The following KLHDC3 variants were observed in gnomAD, a reference collection of about 807,000 sequenced individuals.
The protein encoded by KLHDC3 is kelch domain-containing protein 3.
A neutral mutation model predicts 44.1 loss-of-function variants in KLHDC3; 5 were observed. That is an observed-to-expected ratio of 0.11 (90% CI 0.06 to 0.24). The LOEUF is 0.24. KLHDC3 is among the 10% of genes least tolerant of loss of function. KLHDC3 has a pLI of 1.00. For synonymous variants in KLHDC3, 170 were observed against 189.0 expected (o/e 0.90, Z 0.82); for missense variants, 247 against 514.3 (o/e 0.48, Z 5.03).
rs751640219 is a variant in KLHDC3 at position 43,017,823 on chromosome 6, T to G, written c.332-30T>G. The stretch of plus-strand genomic sequence containing the variant: ...GAGGAGGGACTGTCATAGAGGGTGC[T>G]TAGTTGAGCCATTTTCTCATCTCCT... On this transcript the variant is annotated intron_variant, in intron 3 of 10. Transcript: ENST00000326974. The surrounding 1 kb of genome is among the most constrained non-coding windows in gnomAD (Gnocchi z 6.0). 1 of 1,597,372 alleles carries G rather than the reference T, an allele frequency of 6.3e-7. No individual in the cohort carries two copies. The highest frequency in any genetic ancestry group is 8.6e-7 in the Non-Finnish European group (1 of 1,165,998).
chr6:43,020,757 T>C lies in KLHDC3; in HGVS notation c.*24T>C, dbSNP rs754573243. 1.3e-6 allele frequency: 2 copies of C among 1,586,336 alleles called. No homozygotes were observed. The highest frequency in any genetic ancestry group is 2.2e-5 in the South Asian group (2 of 90,530). ...AGGAGGAAGTTTCTGCCACCTCCCCTCCTGAGCCTGCTGTCATCTTCACTG... is the reference window on the plus strand; with the variant it reads ...AGGAGGAAGTTTCTGCCACCTCCCCCCCTGAGCCTGCTGTCATCTTCACTG... On this transcript the variant is annotated 3_prime_UTR_variant, in exon 11 of 11. Transcript: ENST00000326974.
At position 43,018,177 on chromosome 6, in the gene KLHDC3, A is replaced by G; in HGVS notation, c.480A>G (p.Leu160=). The change falls in exon 5 of 11, where the codon CTA becomes CTG. Residue 160 remains leucine (L), a synonymous_variant. Transcript: ENST00000326974. The surrounding 1 kb of genome is among the most constrained non-coding windows in gnomAD (Gnocchi z 6.0). ...GTTTTTCCAATGACATTCACAAGCT[A>G]GATACCAGCACCATGACATGGACTC... ...ADCFSNDIHK[L]DTSTMTWTLI... is the part of the protein sequence containing the mutation. 1 of 1,611,904 alleles carries G rather than the reference A, an allele frequency of 6.2e-7. No individual in the cohort carries two copies. Among genetic ancestry groups the G allele is most frequent in the African/African-American group, 1.3e-5 (1 of 74,938 alleles).
Position 43,018,914 on chromosome 6 carries a change from G to A in KLHDC3, c.872G>A (p.Arg291His). ...IEPKGKGPCP[R>H]RRQCCCIVGD... The stretch of plus-strand genomic sequence containing the variant: ...CCGAAGGGGAAGGGGCCATGTCCCC[G>A]CCGGCGCCAGTGCTGCTGTATTGTT... The change falls in exon 8 of 11, where the codon CGC becomes CAC. Residue 291 changes from arginine to histidine, a missense_variant. Physicochemically the swap from Arg to His is conservative, Grantham distance 29. This residue lies in a region of KLHDC3 where 176 missense variants were observed against 413.5 expected (regional missense o/e 0.43). Coordinates refer to ENST00000326974, the MANE Select transcript of KLHDC3 (RefSeq NM_057161.4). The surrounding 1 kb of genome is among the most constrained non-coding windows in gnomAD (Gnocchi z 6.0). 1 of 1,612,692 alleles carries A rather than the reference G, an allele frequency of 6.2e-7. No individual in the cohort carries two copies. The highest frequency in any genetic ancestry group is 8.5e-7 in the Non-Finnish European group (1 of 1,179,262).
rs1169612992 is a variant in KLHDC3 at position 43,020,875 on chromosome 6, G to C, written c.*142G>C. 6 of 718,566 alleles carry C rather than the reference G, an allele frequency of 8.3e-6. No homozygotes were observed. Among genetic ancestry groups the C allele is most frequent in the Admixed American group, 6.3e-5 (3 of 47,692 alleles). The allele number at this position is 718,566 out of a possible 1,614,324, so 44.5% of individuals were successfully genotyped here. A position where few individuals can be genotyped will look rare whatever the true frequency, so the allele number is the denominator to read the frequency against. ...TTGGGCGAGAGGTGTTCTCTGTGCT[G>C]TGAATTCAGTGGGGAGCTGTAGCGG... On this transcript the variant is annotated 3_prime_UTR_variant, in exon 11 of 11. Transcript: ENST00000326974.
Position 43,020,951 on chromosome 6 carries a change from T to G in KLHDC3, c.*218T>G. 1 of 659,596 alleles carries G rather than the reference T, an allele frequency of 1.5e-6. No homozygotes were observed. Among genetic ancestry groups the G allele is most frequent in the Non-Finnish European group, 2.8e-6 (1 of 359,356 alleles). The allele number at this position is 659,596 out of a possible 1,614,324, so 40.9% of individuals were successfully genotyped here. On this transcript the variant is annotated 3_prime_UTR_variant, in exon 11 of 11. Coordinates refer to ENST00000326974, the MANE Select transcript of KLHDC3 (RefSeq NM_057161.4). ...TGGGCCGAGGGCCCCTTCCCCTTGG[T>G]GCTCTGTCCCCATCCACCTCCTTTC...
rs190845103 is a variant in KLHDC3, at chr6:43,020,604, A to T, written c.1083-63A>T. 2.0e-5 allele frequency: 27 copies of T among 1,363,068 alleles called. No individual in the cohort carries two copies. The African/African-American group carries it at 3.7e-4, about 19-fold the overall frequency. 84.4% of individuals were successfully genotyped at this position (1,363,068 alleles called of 1,614,324 possible). ...ACTGGTGTGTTTTTAGCTTGGTTCAAACATCCCTTAGCTTGGGCTGAGGGC... is the reference window on the plus strand; with the variant it reads ...ACTGGTGTGTTTTTAGCTTGGTTCATACATCCCTTAGCTTGGGCTGAGGGC... On this transcript the variant is annotated intron_variant, in intron 10 of 10. Transcript: ENST00000326974.
chr6:43,015,321 C>A (rs767462551), intron 1 of KLHDC3, among the ~76,000 whole-genome samples: 1 of 152,148 alleles, frequency 6.6e-6, no homozygotes. Context: ...AGCAAGCCAG[C>A]TGAAAGCCAT....
chr6:43,021,066 C>A lies in KLHDC3; in HGVS notation c.*333C>A, dbSNP rs770368966. 3.9e-6 allele frequency: 2 copies of A among 508,644 alleles called. No individual in the cohort carries two copies. The highest frequency in any genetic ancestry group is 3.1e-5 in the South Asian group (2 of 65,046). 31.5% of individuals were successfully genotyped at this position (508,644 alleles called of 1,614,324 possible). On this transcript the variant is annotated 3_prime_UTR_variant, in exon 11 of 11. Coordinates refer to ENST00000326974, the MANE Select transcript of KLHDC3 (RefSeq NM_057161.4). Reference sequence around the variant, plus strand: ...GGGAGAAGGGAGAAGCAAGCAGTGTCTGAGCCTCAGGAGCTTCCCCCTCCC... The same window carrying A: ...GGGAGAAGGGAGAAGCAAGCAGTGTATGAGCCTCAGGAGCTTCCCCCTCCC...
rs1483157154 is a variant in KLHDC3 at position 43,018,456 on chromosome 6, T to A, written c.633T>A (p.Ile211=). Reference sequence around the variant, plus strand: ...GGCCATTCCATTCCAACAATGAGATTTACTGCAACCGCATTCGAGTCTTTG... The same window carrying A: ...GGCCATTCCATTCCAACAATGAGATATACTGCAACCGCATTCGAGTCTTTG... The part of the protein sequence containing the change: ...RFGPFHSNNE[I]YCNRIRVFDT... The change falls in exon 6 of 11, where the codon ATT becomes ATA. Residue 211 remains isoleucine, a synonymous_variant. Coordinates refer to ENST00000326974, the MANE Select transcript of KLHDC3 (RefSeq NM_057161.4). This position sits in a 1 kb window ranked among gnomAD's most constrained non-coding sequence, Gnocchi z 6.0. 6.2e-7 allele frequency: 1 copy of A among 1,614,200 alleles called. No homozygotes were observed. Among genetic ancestry groups the A allele is most frequent in the South Asian group, 1.1e-5 (1 of 91,084 alleles).
Position 43,015,125 on chromosome 6 carries a change from G to A in KLHDC3, c.-60+777G>A, listed in dbSNP as rs527949423. 1.5e-4 allele frequency among the ~76,000 whole-genome samples: 23 copies of A among 152,260 alleles called. No individual in the cohort carries two copies. In the Middle Eastern group the frequency reaches 0.014, roughly 90 times the overall value. On this transcript the variant is annotated intron_variant, in intron 1 of 10. Transcript: ENST00000326974. ...GGGAAGAATAGAGAATATAAGGGAG[G>A]ATGGAAGACTTCCATTCTTAAGCCC...
chr6:43,019,042 T>C, intron 8 of KLHDC3, 50 bp from the exon 9 acceptor site: 1 of 1,573,018 alleles, frequency 6.4e-7, no homozygotes, highest in Non-Finnish European at 8.7e-7. Context: ...GAAAAGGGGG[T>C]TTCGTGGGTA....
Position 43,017,022 on chromosome 6 carries a change from G to A in KLHDC3, c.-59-112G>A. On this transcript the variant is annotated intron_variant, in intron 1 of 10. Transcript: ENST00000326974. This position sits in a 1 kb window ranked among gnomAD's most constrained non-coding sequence, Gnocchi z 6.0. ...ACTAGTGCCCCTGTGGAGGGGTAGTGTGGGAGGGCCCCCAGGGTGACACTT... is the reference window on the plus strand; with the variant it reads ...ACTAGTGCCCCTGTGGAGGGGTAGTATGGGAGGGCCCCCAGGGTGACACTT... The A allele has an allele frequency of 1.3e-6, 1 of 742,922 alleles. No homozygotes were observed. Among genetic ancestry groups the A allele is most frequent in the Non-Finnish European group, 2.2e-6 (1 of 446,694 alleles). 46.0% of individuals were successfully genotyped at this position (742,922 alleles called of 1,614,324 possible).
chr6:43,019,204 G>T lies in KLHDC3; in HGVS notation c.1003+39G>T, dbSNP rs150162544. 7.1e-6 allele frequency: 11 copies of T among 1,560,018 alleles called. No homozygotes were observed. In the African/African-American group the frequency reaches 1.2e-4, roughly 17 times the overall value. ...TTCCTGAATTGCTCCTGCCATCAAG[G>T]TCCCTGTCTTTGGGTGGTGATATCC... On this transcript the variant is annotated intron_variant, in intron 9 of 10. Transcript: ENST00000326974.
intron 10 of KLHDC3, 107 bp downstream of exon 10, chr6:43,019,473 T>C: frequency 1.3e-6 from 1 of 751,956 alleles, no homozygotes; most frequent in Middle Eastern, 3.6e-4. Context: ...ATTTTTGTTC[T>C]GCTGGAGATG....
In KLHDC3 at chr6:43,017,230, G is replaced by A. The variant is rs1762600051; in HGVS notation, c.38G>A (p.Arg13His). Residue 13 changes from arginine (R) to histidine (H), a missense_variant, in exon 2 of 11, where the codon CGC (arginine) becomes CAC (histidine). By Grantham distance (29) the Arg-to-His change is conservative. Coordinates refer to ENST00000326974, the MANE Select transcript of KLHDC3 (RefSeq NM_057161.4). The surrounding 1 kb of genome is among the most constrained non-coding windows in gnomAD (Gnocchi z 6.0). ...ACAGTGCACCTGGAGGGCGGGCCCC[G>A]CAGGGTGAACCATGCTGCAGTGGCT... ...RWTVHLEGGPRRVNHAAVAVG... is the reference protein window; with the variant it reads ...RWTVHLEGGPHRVNHAAVAVG... The A allele has an allele frequency of 6.2e-7, 1 of 1,613,990 alleles. No homozygotes were observed. The highest frequency in any genetic ancestry group is 8.5e-7 in the Non-Finnish European group (1 of 1,179,982).
chr6:43,018,775 G>C lies in KLHDC3; in HGVS notation c.820+56G>C. The C allele has an allele frequency of 6.4e-7, 1 of 1,574,150 alleles. No homozygotes were observed. Among genetic ancestry groups the C allele is most frequent in the Non-Finnish European group, 8.7e-7 (1 of 1,143,616 alleles). On this transcript the variant is annotated intron_variant, in intron 7 of 10. Transcript: ENST00000326974. The surrounding 1 kb of genome is among the most constrained non-coding windows in gnomAD (Gnocchi z 6.0). ...AGGAGCAATTGAGGTGGGAGGAAAA[G>C]AAAATAATCCTGAGGCGGTGAGGGA...
intron 1 of KLHDC3, among the ~76,000 whole-genome samples, chr6:43,015,055 A>C (rs1439214840): frequency 1.3e-5 from 2 of 152,184 alleles, no homozygotes; most frequent in Non-Finnish European, 2.9e-5. Flanking sequence ...GGAATTGCTT[A>C]TCTCCTCTCC....
chr6:43,017,381 C>T lies in KLHDC3; in HGVS notation c.154+35C>T. On this transcript the variant is annotated intron_variant, in intron 2 of 10. Coordinates refer to ENST00000326974, the MANE Select transcript of KLHDC3 (RefSeq NM_057161.4). This position sits in a 1 kb window ranked among gnomAD's most constrained non-coding sequence, Gnocchi z 6.0. The stretch of plus-strand genomic sequence containing the variant: ...TGCTGGGGCTGTCCCTGGGTCCCCA[C>T]ATCAGGGTGGGAACGGGCTGCTGAT... 1 of 1,596,644 alleles carries T rather than the reference C, an allele frequency of 6.3e-7. No homozygotes were observed. Among genetic ancestry groups the T allele is most frequent in the Non-Finnish European group, 8.6e-7 (1 of 1,168,454 alleles).
At position 43,018,292 on chromosome 6, in the gene KLHDC3, C is replaced by T. The variant is rs1057270139; in HGVS notation, c.520-51C>T. On this transcript the variant is annotated intron_variant, in intron 5 of 10. Coordinates refer to ENST00000326974, the MANE Select transcript of KLHDC3 (RefSeq NM_057161.4). This position sits in a 1 kb window ranked among gnomAD's most constrained non-coding sequence, Gnocchi z 6.0. ...ATAGGAAGCTCAGTCAGAGGAGATC[C>T]TCTTCCAGTCTTTGTGCTGACCCCT... 1 of 1,587,922 alleles carries T rather than the reference C, an allele frequency of 6.3e-7. No individual in the cohort carries two copies. Among genetic ancestry groups the T allele is most frequent in the Non-Finnish European group, 8.6e-7 (1 of 1,156,886 alleles).
Sources: gnomAD v4.1 joint callset for allele counts (sites outside exome capture counted in the v4.1 genomes callset) on GRCh38, gnomAD v4.1.1 for gene constraint, gnomAD v4.1.1 regional missense constraint, Gnocchi (gnomAD v3.1) non-coding constraint, MANE v1.5 for transcripts, NCBI Gene and HGNC (gene_info 2026-07-23, HGNC 2026-07-21) for gene names.